SLC24A3: variants seen among roughly 807,000 people sequenced by gnomAD.
SLC24A3 encodes the protein sodium/potassium/calcium exchanger 3.
SLC24A3 carries 28 observed loss-of-function variants against 75.8 expected under a neutral mutation model. The observed-to-expected ratio is 0.37, with a 90% CI of 0.27 to 0.51. SLC24A3 has a LOEUF of 0.51. Ranked by LOEUF, SLC24A3 falls within the 20% of genes least tolerant of loss-of-function variation. The pLI is 0.94. For synonymous variants in SLC24A3, 372 were observed against 334.1 expected (o/e 1.11, Z -1.24); for missense variants, 663 against 847.8 (o/e 0.78, Z 2.71).
chr20:19,710,972 C>G (rs4814886), intron 15 of SLC24A3, among the ~76,000 whole-genome samples: 14,047 of 151,972 alleles, frequency 0.092, 1,184 homozygotes, highest in East Asian at 0.21. Context: ...GCCTGTCTCC[C>G]AATCAACTCT....
intron 3 of SLC24A3, among the ~76,000 whole-genome samples, chr20:19,517,523 A>G (rs996887669): frequency 6.6e-6 from 1 of 152,188 alleles, no homozygotes; most frequent in African/African-American, 2.4e-5. Context: ...ACAAATGCAT[A>G]CTATCCTCCT....
At chr20:19,595,725 G>A (rs2031443741) in intron 6 of SLC24A3, among the ~76,000 whole-genome samples, 2 of 152,216 alleles carry the variant, frequency 1.3e-5, no homozygotes, top group Non-Finnish European at 2.9e-5. Flanking sequence ...CAGGCAAGGA[G>A]CATCTGAACC....
chr20:19,357,264 G>A (rs768979533), intron 2 of SLC24A3, among the ~76,000 whole-genome samples: 2 of 152,126 alleles, frequency 1.3e-5, no homozygotes, highest in Admixed American at 6.5e-5. Context: ...CTTCTGGAGG[G>A]GGCATGGCTC....
intron 2 of SLC24A3, among the ~76,000 whole-genome samples, chr20:19,377,451 C>T (rs1344020991): frequency 6.6e-6 from 1 of 152,034 alleles, no homozygotes; most frequent in Non-Finnish European, 1.5e-5. Context: ...ACCTCAAGAC[C>T]CATTCTGCAT....
intron 6 of SLC24A3, among the ~76,000 whole-genome samples, chr20:19,641,932 T>C (rs1265172601): frequency 1.3e-5 from 2 of 152,104 alleles, no homozygotes; most frequent in Non-Finnish European, 2.9e-5. Flanking sequence ...TAAGTTAGGG[T>C]CTTACCTCAA....
chr20:19,520,098 G>A (rs2030072337), intron 3 of SLC24A3, among the ~76,000 whole-genome samples: 2 of 152,180 alleles, frequency 1.3e-5, no homozygotes, highest in African/African-American at 4.8e-5. Flanking sequence ...AGTAGAAGGT[G>A]TCACACATTT....
At chr20:19,264,234 T>C (rs1983090402) in intron 1 of SLC24A3, 1 of 152,066 alleles carries the variant, frequency 6.6e-6, no homozygotes, top group Admixed American at 6.5e-5. Flanking sequence ...TAAGAGACAT[T>C]GTTTCCAAGA....
chr20:19,603,703 A>C (rs1402978318), intron 6 of SLC24A3, among the ~76,000 whole-genome samples: 1 of 152,050 alleles, frequency 6.6e-6, no homozygotes, highest in African/African-American at 2.4e-5. Flanking sequence ...ATTATTCCTT[A>C]AATTCATTGT....
rs559830047 is a variant in SLC24A3, at chr20:19,230,663, G to GT, written c.142+17679_142+17680insT. 3.7e-5 allele frequency among the ~76,000 whole-genome samples: 3 copies of GT among 81,198 alleles called. No homozygotes were observed. In the East Asian group the frequency reaches 8.3e-4, roughly 23 times the overall value. The allele number at this position is 81,198 out of a possible 152,430, so 53.3% of individuals were successfully genotyped here. A position where few individuals can be genotyped will look rare whatever the true frequency, so the allele number is the denominator to read the frequency against. ...ATGGGTATAGAAAGACATATTGATG[G>GT]GGGGGGTGCCCTTTACAACAGTTCC... On this transcript the variant is annotated intron_variant, in intron 1 of 16. Coordinates refer to ENST00000328041, the MANE Select transcript of SLC24A3 (RefSeq NM_020689.4).
At chr20:19,274,253 G>C (rs780745971) in intron 1 of SLC24A3, among the ~76,000 whole-genome samples, 1 of 151,502 alleles carries the variant, frequency 6.6e-6, no homozygotes, top group Non-Finnish European at 1.5e-5. Context: ...GGTGTTCTCA[G>C]CATCCCCTTG....
At chr20:19,557,230 A>G (rs563345308) in intron 3 of SLC24A3, among the ~76,000 whole-genome samples, 53 of 152,288 alleles carry the variant, frequency 3.5e-4, no homozygotes, top group Admixed American at 2.9e-3. Flanking sequence ...CACTTGTGAA[A>G]TCCTCTCCCA....
chr20:19,274,040 C>A (rs1417469166), intron 1 of SLC24A3, among the ~76,000 whole-genome samples: 2 of 150,934 alleles, frequency 1.3e-5, no homozygotes, highest in South Asian at 4.2e-4. Context: ...TTGCCTTCTC[C>A]CCTCTTCCCC....
At chr20:19,451,324 A>G (rs2122482198) in intron 2 of SLC24A3, among the ~76,000 whole-genome samples, 1 of 152,310 alleles carries the variant, frequency 6.6e-6, no homozygotes, top group East Asian at 1.9e-4. Context: ...GTGTATGACT[A>G]TTCTCGCCTG....
rs923621663 is a variant in SLC24A3 at position 19,698,608 on chromosome 20, C to T, written c.1647C>T (p.Asn549=). 7.5e-6 allele frequency: 12 copies of T among 1,595,228 alleles called. No homozygotes were observed. Among genetic ancestry groups the T allele is most frequent in the African/African-American group, 4.0e-5 (3 of 74,666 alleles). ...CTGTGTCCAACTCCATTGGGAGCAA[C>T]GTGTTTGACATCCTGATTGGCCTCG... ...DMAVSNSIGS[N]VFDILIGLGL... is the part of the protein sequence containing the mutation. The change falls in exon 15 of 17, where the codon AAC becomes AAT. Residue 549 remains asparagine, a synonymous_variant. Transcript: ENST00000328041.
At chr20:19,341,685 C>A (rs1985276204) in intron 2 of SLC24A3, among the ~76,000 whole-genome samples, 1 of 152,206 alleles carries the variant, frequency 6.6e-6, no homozygotes, top group Non-Finnish European at 1.5e-5. Flanking sequence ...CAGAGACTTG[C>A]AGAAGTCCCC....
chr20:19,431,111 C>G (rs1443149809), intron 2 of SLC24A3, among the ~76,000 whole-genome samples: 2 of 151,982 alleles, frequency 1.3e-5, no homozygotes, highest in Non-Finnish European at 2.9e-5. Flanking sequence ...GGCTGGTTGG[C>G]CAATGGGAAG....
chr20:19,239,360 G>GA (rs771593340), intron 1 of SLC24A3, among the ~76,000 whole-genome samples: 1 of 152,138 alleles, frequency 6.6e-6, no homozygotes, highest in African/African-American at 2.4e-5. Context: ...TGCAACTGGG[G>GA]ATCCCACTGC....
chr20:19,620,202 G>T (rs371516983), intron 6 of SLC24A3, among the ~76,000 whole-genome samples: 3 of 152,166 alleles, frequency 2.0e-5, no homozygotes, highest in African/African-American at 7.2e-5. Flanking sequence ...TAGTTAGGCA[G>T]ATCTTTTTAT....
intron 6 of SLC24A3, among the ~76,000 whole-genome samples, chr20:19,638,898 G>C (rs1166756450): frequency 6.6e-6 from 1 of 152,074 alleles, no homozygotes; most frequent in East Asian, 1.9e-4. Context: ...GCAGACCTTC[G>C]CAGTGAGTAT....
Sources: allele counts gnomAD v4.1 joint callset (sites outside exome capture counted in the v4.1 genomes callset), GRCh38; gene constraint gnomAD v4.1.1; transcripts MANE v1.5; gene names NCBI Gene and HGNC (gene_info 2026-07-23, HGNC 2026-07-21).